The following CREB5 variants were observed in gnomAD, a reference collection of about 807,000 sequenced individuals.
CREB5 encodes the protein cAMP responsive element binding protein 5.
In CREB5, 19 loss-of-function variants were observed where a neutral mutation model predicts 57.1. The ratio of observed to expected loss-of-function variants is 0.33; its 90% confidence interval spans 0.23 to 0.49. The LOEUF (loss-of-function observed/expected upper bound fraction) is 0.49, where lower values mean the gene tolerates loss of function less well. Among genes scored for constraint, CREB5 ranks in the 20% least tolerant of loss-of-function variants. The pLI, the probability that CREB5 is intolerant of heterozygous loss-of-function variation, is 0.99. For missense variants in CREB5, 579 were observed against 671.6 expected, an observed-to-expected ratio of 0.86 and a Z score of 1.52; for synonymous variants, 238 against 238.3, an observed-to-expected ratio of 1.00 and a Z score of 0.01.
chr7:28,585,634 G>A (rs1000029496), intron 5 of CREB5, among the ~76,000 whole-genome samples: 1 of 152,276 alleles, frequency 6.6e-6, no homozygotes, highest in South Asian at 2.1e-4. Context: ...CCCTGGCTCT[G>A]AGTGATTTAA....
intron 1 of CREB5, among the ~76,000 whole-genome samples, chr7:28,429,336 A>G (rs1325239175): frequency 6.6e-6 from 1 of 152,208 alleles, no homozygotes; most frequent in Non-Finnish European, 1.5e-5. Context: ...TAAAATAATT[A>G]AAATCCACAT....
intron 1 of CREB5, among the ~76,000 whole-genome samples, chr7:28,312,049 C>A (rs1188426250): frequency 6.6e-6 from 1 of 152,110 alleles, no homozygotes; most frequent in Non-Finnish European, 1.5e-5. Context: ...ATGTAAAGAC[C>A]GTTTTTTTGA....
intron 7 of CREB5, among the ~76,000 whole-genome samples, chr7:28,761,386 T>C (rs1308309670): frequency 2.0e-5 from 3 of 152,218 alleles, no homozygotes; most frequent in Non-Finnish European, 4.4e-5. Context: ...AAGATCCTTC[T>C]TGTTCTGAAA....
At chr7:28,468,767 G>T (rs1790691452) in intron 1 of CREB5, among the ~76,000 whole-genome samples, 1 of 152,176 alleles carries the variant, frequency 6.6e-6, no homozygotes, top group African/African-American at 2.4e-5. Context: ...CGTGCTAAAT[G>T]CTTTATAGCT....
At chr7:28,524,332 C>T (rs867267047) in intron 4 of CREB5, among the ~76,000 whole-genome samples, 22 of 139,944 alleles carry the variant, frequency 1.6e-4, no homozygotes, top group African/African-American at 4.8e-4. Context: ...CACACACACA[C>T]ACACACACAC....
intron 4 of CREB5, among the ~76,000 whole-genome samples, chr7:28,515,689 A>C (rs916106341): frequency 6.6e-6 from 1 of 152,098 alleles, no homozygotes; most frequent in Non-Finnish European, 1.5e-5. Flanking sequence ...TTCTTTAGAC[A>C]CAGTCCTCAG....
intron 7 of CREB5, among the ~76,000 whole-genome samples, chr7:28,725,824 G>C (rs1020005601): frequency 1.3e-5 from 2 of 151,948 alleles, no homozygotes; most frequent in African/African-American, 2.4e-5. Flanking sequence ...TCTGCTTCAG[G>C]GTCTGTACCT....
upstream of CREB5, among the ~76,000 whole-genome samples, chr7:28,411,568 G>C (rs1023192852): frequency 7.9e-6 from 1 of 126,732 alleles, no homozygotes; most frequent in Non-Finnish European, 1.7e-5. Context: ...GGGTGGGGGG[G>C]TGGGGGCGTG....
At chr7:28,510,649 C>T (rs762661607) in intron 4 of CREB5, among the ~76,000 whole-genome samples, 12 of 152,234 alleles carry the variant, frequency 7.9e-5, no homozygotes, top group Middle Eastern at 3.2e-3. Flanking sequence ...GACTCTGTCT[C>T]TAATCCCAGC....
chr7:28,311,532 G>A lies in CREB5; in HGVS notation c.-25+12091G>A, dbSNP rs576282025. Among the ~76,000 whole-genome samples the A allele has an allele frequency of 2.6e-5, 4 of 152,186 alleles. 1 individual carries two copies. The highest frequency in any genetic ancestry group is 9.6e-5 in the African/African-American group (4 of 41,500). ...CTTTTACACATTTAAAACGTTTTTC[G>A]GTCCTACACAATGTACTTTATATTC... On this transcript the variant is annotated intron_variant, in intron 1 of 9. Transcript: ENST00000396299.
intron 1 of CREB5, among the ~76,000 whole-genome samples, chr7:28,482,415 A>G (rs760290336): frequency 9.2e-5 from 14 of 152,350 alleles, no homozygotes; most frequent in Middle Eastern, 3.4e-3. Context: ...CACGAAGTGC[A>G]AATTGGCCAT....
chr7:28,430,946 C>T (rs1263481130), intron 1 of CREB5, among the ~76,000 whole-genome samples: 1 of 152,058 alleles, frequency 6.6e-6, no homozygotes, highest in Non-Finnish European at 1.5e-5. Flanking sequence ...GTATTGCAGG[C>T]CTTAGGTGAT....
chr7:28,481,483 C>T (rs1363179073), intron 1 of CREB5, among the ~76,000 whole-genome samples: 1 of 152,156 alleles, frequency 6.6e-6, no homozygotes, highest in Non-Finnish European at 1.5e-5. Context: ...GTGAAATGTT[C>T]ACTTATAAGG....
At chr7:28,301,561 C>T (rs958940112) in intron 1 of CREB5, among the ~76,000 whole-genome samples, 9 of 152,106 alleles carry the variant, frequency 5.9e-5, no homozygotes, top group Non-Finnish European at 1.0e-4. Context: ...GGTCCAACCC[C>T]GGATATACTG....
chr7:28,727,543 G>A (rs1264921602), intron 7 of CREB5, among the ~76,000 whole-genome samples: 1 of 152,194 alleles, frequency 6.6e-6, no homozygotes, highest in Admixed American at 6.5e-5. Flanking sequence ...TAGTAATGTG[G>A]TTATGGTGTT....
At position 28,674,342 on chromosome 7, in the gene CREB5, T is replaced by A. The variant is rs574277234; in HGVS notation, c.465-44411T>A. On this transcript the variant is annotated intron_variant, in intron 5 of 10. Transcript: ENST00000357727. Reference sequence around the variant, plus strand: ...TGCAGGAGCTACTGAATAGTTGATGTCTAACAAATGTGTACTTTGGAGTCA... The same window carrying A: ...TGCAGGAGCTACTGAATAGTTGATGACTAACAAATGTGTACTTTGGAGTCA... Among the ~76,000 whole-genome samples the A allele has an allele frequency of 3.3e-5, 5 of 152,316 alleles. No individual in the cohort carries two copies. In the South Asian group the frequency reaches 1.0e-3, roughly 32 times the overall value.
chr7:28,560,383 G>A (rs910235819), intron 4 of CREB5, among the ~76,000 whole-genome samples: 10 of 152,150 alleles, frequency 6.6e-5, no homozygotes, highest in African/African-American at 2.4e-4. Context: ...GGTCTTGAAG[G>A]CAAGGCTAAG....
At chr7:28,486,278 G>A (rs766135072) in intron 1 of CREB5, among the ~76,000 whole-genome samples, 32 of 151,918 alleles carry the variant, frequency 2.1e-4, no homozygotes, top group Non-Finnish European at 2.1e-4. Context: ...ATATTTTCCC[G>A]AAGAATATTG....
chr7:28,650,597 C>A (rs565654167), intron 5 of CREB5, among the ~76,000 whole-genome samples: 16 of 152,156 alleles, frequency 1.1e-4, no homozygotes, highest in African/African-American at 2.4e-4. Flanking sequence ...TGCTTCCCCC[C>A]CCAACCTTCC....
Sources: allele counts gnomAD v4.1 joint callset (sites outside exome capture counted in the v4.1 genomes callset), GRCh38; gene constraint gnomAD v4.1.1; transcripts MANE v1.5; gene names NCBI Gene and HGNC (gene_info 2026-07-23, HGNC 2026-07-21).